The following DOCK1 variants were observed in gnomAD, a reference collection of about 807,000 sequenced individuals.
DOCK1 encodes the protein dedicator of cytokinesis 1.
Under a neutral mutation model 262.7 loss-of-function variants are expected in DOCK1, and 138 were observed. The observed-to-expected ratio is 0.53, with a 90% confidence interval of 0.46 to 0.61. The LOEUF is 0.61. DOCK1 is among the 20% of genes least tolerant of loss of function. The probability of loss-of-function intolerance (pLI) is 0.00; values close to 1 mark genes in which losing one functional copy is unlikely to be tolerated. For synonymous variants in DOCK1, 866 were observed against 867.4 expected (o/e 1.00, Z 0.03); for missense variants, 1,908 against 2,370.7 (o/e 0.80, Z 4.05).
In DOCK1 at chr10:127,403,154, T is replaced by A. The variant is rs2067321287; in HGVS notation, c.4017+10T>A. On this transcript the variant is annotated intron_variant, in intron 39 of 51. Transcript: ENST00000623213. ...ACTCAGCGAATTGCTGGTGAGTCTT[T>A]ATTTCTTTTTATTTAAATGAACACA... 1 of 1,587,938 alleles carries A rather than the reference T, an allele frequency of 6.3e-7. No individual in the cohort carries two copies. The highest frequency in any genetic ancestry group is 8.6e-7 in the Non-Finnish European group (1 of 1,166,810).
At chr10:127,038,463 T>C (rs1208312757) in intron 19 of DOCK1, among the ~76,000 whole-genome samples, 1 of 152,124 alleles carries the variant, frequency 6.6e-6, no homozygotes, top group Non-Finnish European at 1.5e-5. Flanking sequence ...GGGGTAACAG[T>C]AGTGCCTTCT....
intron 27 of DOCK1, among the ~76,000 whole-genome samples, chr10:127,140,720 G>A (rs2051157797): frequency 8.3e-6 from 1 of 120,062 alleles, no homozygotes; most frequent in South Asian, 2.8e-4. Context: ...AGCATCAGAA[G>A]GTTAACGGTC....
intron 46 of DOCK1, among the ~76,000 whole-genome samples, chr10:127,420,486 G>A (rs541875649): frequency 6.6e-6 from 1 of 152,226 alleles, no homozygotes; most frequent in Admixed American, 6.5e-5. Flanking sequence ...TCACATGTGG[G>A]AGGCAAGGAG....
At position 127,266,550 on chromosome 10, in the gene DOCK1, G is replaced by A. The variant is rs566673680; in HGVS notation, c.3044+9121G>A. On this transcript the variant is annotated intron_variant, in intron 29 of 51. Transcript: ENST00000623213. ...GACTATACATTTTGCTTTGCACTGA[G>A]AGATGTTTCATGCATAAAATAGAGA... Among the ~76,000 whole-genome samples, 6 of 151,954 alleles carry A rather than the reference G, an allele frequency of 3.9e-5. No homozygotes were observed. The East Asian group carries it at 1.2e-3, about 29-fold the overall frequency.
intron 1 of DOCK1, among the ~76,000 whole-genome samples, chr10:126,936,432 A>C (rs1236605719): frequency 6.6e-6 from 1 of 152,236 alleles, no homozygotes; most frequent in African/African-American, 2.4e-5. Context: ...GCTGTGTTCC[A>C]ATAAAACTTT....
intron 46 of DOCK1, among the ~76,000 whole-genome samples, chr10:127,421,685 G>T (rs992910790): frequency 6.6e-6 from 1 of 152,064 alleles, no homozygotes; most frequent in Non-Finnish European, 1.5e-5. Flanking sequence ...CTATGAATTT[G>T]CCTACTCTAG....
chr10:127,430,359 G>A (rs1323660788), intron 47 of DOCK1, among the ~76,000 whole-genome samples: 3 of 152,182 alleles, frequency 2.0e-5, no homozygotes, highest in African/African-American at 7.2e-5. Flanking sequence ...TGACTGGGAG[G>A]TGGAGCTGAT....
intron 27 of DOCK1, among the ~76,000 whole-genome samples, chr10:127,215,275 C>T (rs2058155098): frequency 6.6e-6 from 1 of 152,120 alleles, no homozygotes; most frequent in Non-Finnish European, 1.5e-5. Context: ...GTCTTCCTGC[C>T]CTGCCCTGTC....
At chr10:127,150,556 CTGTCTT>C (rs2052390120) in intron 27 of DOCK1, among the ~76,000 whole-genome samples, 1 of 151,822 alleles carries the variant, frequency 6.6e-6, no homozygotes, top group African/African-American at 2.4e-5. Context: ...ACTGGCTTCT[CTGTCTT>C]TGTCCTGTGA....
intron 24 of DOCK1, among the ~76,000 whole-genome samples, chr10:127,107,646 A>G (rs2136228375): frequency 6.6e-6 from 1 of 152,316 alleles, no homozygotes; most frequent in South Asian, 2.1e-4. Context: ...GGAACTTGTT[A>G]GAGAAAGCCA....
At chr10:126,960,434 G>T (rs1211898700) in intron 1 of DOCK1, among the ~76,000 whole-genome samples, 1 of 151,200 alleles carries the variant, frequency 6.6e-6, no homozygotes, top group South Asian at 2.1e-4. Flanking sequence ...GTCGCCTGGC[G>T]GTATATTGTC....
intron 31 of DOCK1, among the ~76,000 whole-genome samples, chr10:127,353,845 G>T (rs2064007249): frequency 6.6e-6 from 1 of 152,164 alleles, no homozygotes; most frequent in African/African-American, 2.4e-5. Context: ...TGATTTACCG[G>T]CCAGGATCTT....
chr10:127,427,707 G>T (rs1010811318), intron 47 of DOCK1, among the ~76,000 whole-genome samples: 3 of 152,196 alleles, frequency 2.0e-5, no homozygotes, highest in African/African-American at 7.2e-5. Flanking sequence ...TTTCCCACAT[G>T]GTAGGAAATG....
rs541253876 is a variant in DOCK1 at position 127,364,674 on chromosome 10, T to G, written c.3432+2462T>G. 4.1e-3 allele frequency among the ~76,000 whole-genome samples: 618 copies of G among 152,302 alleles called. 7 individuals carry two copies. Among genetic ancestry groups the G allele is most frequent in the Admixed American group, 8.1e-3 (124 of 15,312 alleles). ...CCACCGTGCCCAGCCCTAGGCAGTT[T>G]TTTATAAGGTGACTGGTGACTGTTA... On this transcript the variant is annotated intron_variant, in intron 33 of 51. Coordinates refer to ENST00000623213, the MANE Select transcript of DOCK1 (RefSeq NM_001290223.2).
rs942124384 is a variant in DOCK1 at position 126,995,100 on chromosome 10, C to T, written c.474-1648C>T. Among the ~76,000 whole-genome samples, 8 of 149,044 alleles carry T rather than the reference C, an allele frequency of 5.4e-5. No homozygotes were observed. Among genetic ancestry groups the T allele is most frequent in the Admixed American group, 1.3e-4 (2 of 14,956 alleles). Reference sequence around the variant, plus strand: ...CTCAGACGGGGCGGCAGGGCAGAGGCGCTCCCCAGATCCCAGACGATGGGC... The same window carrying T: ...CTCAGACGGGGCGGCAGGGCAGAGGTGCTCCCCAGATCCCAGACGATGGGC... On this transcript the variant is annotated intron_variant, in intron 6 of 51. Transcript: ENST00000623213. The surrounding 1 kb of genome is among the most constrained non-coding windows in gnomAD (Gnocchi z 5.8).
intron 25 of DOCK1, among the ~76,000 whole-genome samples, chr10:127,119,817 A>C (rs1345476732): frequency 1.3e-5 from 2 of 152,226 alleles, no homozygotes; most frequent in Non-Finnish European, 2.9e-5. Context: ...TTGTATTTGC[A>C]TCTTGCTTTA....
intron 38 of DOCK1, among the ~76,000 whole-genome samples, chr10:127,394,983 G>A (rs1385373496): frequency 2.6e-5 from 4 of 152,212 alleles, no homozygotes. Context: ...CTTCACAGAG[G>A]TGGTTACATT....
intron 29 of DOCK1, among the ~76,000 whole-genome samples, chr10:127,282,661 C>T (rs1172837249): frequency 6.6e-6 from 1 of 152,230 alleles, no homozygotes; most frequent in Non-Finnish European, 1.5e-5. Flanking sequence ...TTAACTCACA[C>T]TAGTCCAGGT....
intron 10 of DOCK1, among the ~76,000 whole-genome samples, chr10:127,005,059 G>T (rs559584660): frequency 6.6e-6 from 1 of 151,822 alleles, no homozygotes; most frequent in Non-Finnish European, 1.5e-5. Flanking sequence ...ATACTTGGTC[G>T]GGTGCAGTGG....
Sources: allele counts gnomAD v4.1 joint callset (sites outside exome capture counted in the v4.1 genomes callset), GRCh38; gene constraint gnomAD v4.1.1; non-coding constraint Gnocchi (gnomAD v3.1); transcripts MANE v1.5; gene names NCBI Gene and HGNC (gene_info 2026-07-23, HGNC 2026-07-21).